RILPL1: variants seen among roughly 807,000 people sequenced by gnomAD.
RILPL1 encodes the protein RILP-like protein 1.
Under a neutral mutation model 50.3 loss-of-function variants are expected in RILPL1, and 33 were observed. The observed-to-expected ratio is 0.66, with a 90% CI of 0.50 to 0.88. The LOEUF (loss-of-function observed/expected upper bound fraction) is 0.88. Among genes scored for constraint, RILPL1 ranks in the 40% least tolerant of loss-of-function variants. RILPL1 has a pLI of 0.00. For missense variants in RILPL1, 418 were observed against 542.5 expected, an observed-to-expected ratio of 0.77 and a Z score of 2.28; for synonymous variants, 205 against 228.6, an observed-to-expected ratio of 0.90 and a Z score of 0.93.
chr12:123,481,652 G>A (rs1566114736), intron 6 of RILPL1, among the ~76,000 whole-genome samples: 1 of 151,828 alleles, frequency 6.6e-6, no homozygotes, highest in Non-Finnish European at 1.5e-5. Flanking sequence ...TGTCTCCCAG[G>A]TTCAAGCGAT....
In RILPL1 at chr12:123,484,279, G is replaced by A; in HGVS notation, c.975-7C>T. 1 of 1,571,658 alleles carries A rather than the reference G, an allele frequency of 6.4e-7. No homozygotes were observed. The highest frequency in any genetic ancestry group is 8.8e-7 in the Non-Finnish European group (1 of 1,141,294). On this transcript the variant is annotated splice_polypyrimidine_tract_variant and splice_region_variant and intron_variant, in intron 5 of 6. Transcript: ENST00000376874. ...TTCCTCTTCCATTTCTTCACTGGAA[G>A]GAGATGAGAGGCGTGAGATAAAAGA... is the stretch of plus-strand genomic sequence containing the variant.
Position 123,498,602 on chromosome 12 carries a change from C to T in RILPL1, c.743G>A (p.Gly248Glu). ...QEMGSLRAEL[G>E]KLRERLQGEH... is the part of the protein sequence containing the mutation. Reference sequence around the variant, plus strand: ...CCCCTGCAGCCTCTCTCGCAACTTCCCCAGCTCTGCTCGCAGGCTGCCCAT... The same window carrying T: ...CCCCTGCAGCCTCTCTCGCAACTTCTCCAGCTCTGCTCGCAGGCTGCCCAT... The change falls in exon 4 of 7, where the codon GGG becomes GAG. Residue 248 changes from glycine (G) to glutamate (E), a missense_variant. By Grantham distance (98) the Gly-to-Glu change is moderately conservative. Coordinates refer to ENST00000376874, the MANE Select transcript of RILPL1 (RefSeq NM_178314.5). The surrounding 1 kb of genome is among the most constrained non-coding windows in gnomAD (Gnocchi z 4.3). 4.3e-6 allele frequency: 7 copies of T among 1,613,732 alleles called. No homozygotes were observed. Among genetic ancestry groups the T allele is most frequent in the Non-Finnish European group, 3.4e-6 (4 of 1,179,888 alleles).
intron 2 of RILPL1, among the ~76,000 whole-genome samples, chr12:123,521,688 C>A (rs1263415882): frequency 6.4e-5 from 1 of 15,592 alleles, no homozygotes. Flanking sequence ...TATATATACA[C>A]ACATATATGT....
chr12:123,532,459 C>T (rs1341999446), intron 1 of RILPL1, among the ~76,000 whole-genome samples: 1 of 152,174 alleles, frequency 6.6e-6, no homozygotes, highest in East Asian at 1.9e-4. Flanking sequence ...CTGGGACTCT[C>T]TCACCACTAA....
At chr12:123,530,686 G>T (rs1415151696) in intron 1 of RILPL1, among the ~76,000 whole-genome samples, 1 of 152,220 alleles carries the variant, frequency 6.6e-6, no homozygotes, top group Non-Finnish European at 1.5e-5. Flanking sequence ...ACACGCGAGT[G>T]TATCAGCCCA....
At chr12:123,505,436 A>G (rs1312595816) in intron 2 of RILPL1, among the ~76,000 whole-genome samples, 1 of 151,910 alleles carries the variant, frequency 6.6e-6, no homozygotes. Flanking sequence ...TGATTCTCCC[A>G]TCTCAGCCTC....
chr12:123,512,852 TTGTGTGTGTGTGGTGTGTGAGGTC>T (rs1884441353), intron 2 of RILPL1, among the ~76,000 whole-genome samples: 2 of 107,748 alleles, frequency 1.9e-5, no homozygotes, highest in African/African-American at 7.3e-5. Context: ...TGTGTGAGGT[TTGTGTGTGTGTGGTGTGTGAGGTC>T]TGTGTGTGTG....
chr12:123,510,903 GTAT>G (rs1884094432), intron 2 of RILPL1, among the ~76,000 whole-genome samples: 3 of 141,158 alleles, frequency 2.1e-5, no homozygotes, highest in East Asian at 2.2e-4. Context: ...GTGTGTGTGT[GTAT>G]TGTGTGAGGT....
In RILPL1 at chr12:123,472,789, A is replaced by G. The variant is rs371622049; in HGVS notation, c.1068-107T>C. 6.5e-6 allele frequency: 8 copies of G among 1,238,470 alleles called. No homozygotes were observed. In the South Asian group the frequency reaches 9.8e-5, roughly 15 times the overall value. The allele number at this position is 1,238,470 out of a possible 1,614,324, so 76.7% of individuals were successfully genotyped here. On this transcript the variant is annotated intron_variant, in intron 6 of 6. Transcript: ENST00000376874. Reference sequence around the variant, plus strand: ...TAGCAGCAAACTTAGAAGGGAGCAAATCAATTCAAGGTGTGAAAGACAAAG... The same window carrying G: ...TAGCAGCAAACTTAGAAGGGAGCAAGTCAATTCAAGGTGTGAAAGACAAAG...
At position 123,498,874 on chromosome 12, in the gene RILPL1, CTTTG is replaced by C; in HGVS notation, c.580-113_580-110del. 2 of 1,007,050 alleles carry C rather than the reference CTTTG, an allele frequency of 2.0e-6. No individual in the cohort carries two copies. The highest frequency in any genetic ancestry group is 3.0e-6 in the Non-Finnish European group (2 of 659,426). 62.4% of individuals were successfully genotyped at this position (1,007,050 alleles called of 1,614,324 possible). A position where few individuals can be genotyped will look rare whatever the true frequency, so the allele number is the denominator to read the frequency against. ...GGTGTGCCATTTACATTGCAGACAT[CTTTG>C]TTTGAAAGTTGTTCGTATTCTTATA... is the stretch of plus-strand genomic sequence containing the variant. On this transcript the variant is annotated intron_variant, in intron 3 of 6. Transcript: ENST00000376874. This position sits in a 1 kb window ranked among gnomAD's most constrained non-coding sequence, Gnocchi z 4.3.
At chr12:123,508,885 T>TA (rs945751668) in intron 2 of RILPL1, among the ~76,000 whole-genome samples, 34 of 150,794 alleles carry the variant, frequency 2.3e-4, no homozygotes, top group African/African-American at 7.3e-4. Context: ...AAAAAGTTGC[T>TA]AAAAAAAACA....
intron 6 of RILPL1, 181 bp from the exon 7 acceptor site, chr12:123,472,863 C>T (rs752866994): frequency 1.5e-4 from 93 of 627,822 alleles, no homozygotes; most frequent in South Asian, 2.5e-4. Context: ...GGGTATTCTG[C>T]GTGTCATTTG....
rs552541534 is a variant in RILPL1 at position 123,494,965 on chromosome 12, C to T, written c.801+3579G>A. On this transcript the variant is annotated intron_variant, in intron 4 of 6. Coordinates refer to ENST00000376874, the MANE Select transcript of RILPL1 (RefSeq NM_178314.5). The stretch of plus-strand genomic sequence containing the variant: ...CCTTTATCCTTCCCTCAGGTCTTTG[C>T]GCTAAGTCACTGCCGTTTTCTTCTG... 2.6e-5 allele frequency among the ~76,000 whole-genome samples: 4 copies of T among 152,312 alleles called. No homozygotes were observed. In the South Asian group the frequency reaches 6.2e-4, roughly 24 times the overall value.
At chr12:123,526,034 A>G (rs904191464) in intron 1 of RILPL1, among the ~76,000 whole-genome samples, 2 of 152,124 alleles carry the variant, frequency 1.3e-5, no homozygotes, top group Non-Finnish European at 2.9e-5. Context: ...GGCCAGGCGC[A>G]GTGGCTCACA....
intron 2 of RILPL1, among the ~76,000 whole-genome samples, chr12:123,510,365 GGT>G (rs563988101): frequency 2.5e-4 from 37 of 150,680 alleles, no homozygotes; most frequent in African/African-American, 3.6e-4. Context: ...TGGGGGGTGT[GGT>G]GTGTGTGTGT....
chr12:123,505,221 A>T (rs1410379464), intron 2 of RILPL1, among the ~76,000 whole-genome samples: 1 of 152,110 alleles, frequency 6.6e-6, no homozygotes, highest in Non-Finnish European at 1.5e-5. Context: ...TAGTAGAGAC[A>T]GGATTTCACC....
chr12:123,496,171 G>A (rs921335861), intron 4 of RILPL1, among the ~76,000 whole-genome samples: 1 of 151,658 alleles, frequency 6.6e-6, no homozygotes, highest in Non-Finnish European at 1.5e-5. Context: ...GCACCACCAC[G>A]CCCAGCTAAT....
intron 1 of RILPL1, among the ~76,000 whole-genome samples, chr12:123,528,856 C>T (rs2139393158): frequency 6.6e-6 from 1 of 152,218 alleles, no homozygotes; most frequent in Non-Finnish European, 1.5e-5. Flanking sequence ...GAGTTGACCA[C>T]TCAGAATCTC....
In RILPL1 at chr12:123,491,600, G is replaced by C. The variant is rs1262522546; in HGVS notation, c.802-5795C>G. Among the ~76,000 whole-genome samples the C allele has an allele frequency of 6.6e-6, 1 of 152,200 alleles. No individual in the cohort carries two copies. Among genetic ancestry groups the C allele is most frequent in the Admixed American group, 6.5e-5 (1 of 15,274 alleles). On this transcript the variant is annotated intron_variant, in intron 4 of 6. Coordinates refer to ENST00000376874, the MANE Select transcript of RILPL1 (RefSeq NM_178314.5). The surrounding 1 kb of genome is among the most constrained non-coding windows in gnomAD (Gnocchi z 4.0). Reference sequence around the variant, plus strand: ...CTCTGGTCACACTTGGCACCACCAGGCCTAGCATAAATTCAATGCATAAAT... The same window carrying C: ...CTCTGGTCACACTTGGCACCACCAGCCCTAGCATAAATTCAATGCATAAAT...
Sources: gnomAD v4.1 joint callset for allele counts (sites outside exome capture counted in the v4.1 genomes callset) on GRCh38, gnomAD v4.1.1 for gene constraint, Gnocchi (gnomAD v3.1) non-coding constraint, MANE v1.5 for transcripts, NCBI Gene and HGNC (gene_info 2026-07-23, HGNC 2026-07-21) for gene names.